MACROD2: variants seen among roughly 807,000 people sequenced by gnomAD.
MACROD2 encodes the protein ADP-ribose glycohydrolase MACROD2.
MACROD2 carries 36 observed loss-of-function variants against 70.4 expected under a neutral mutation model. The observed-to-expected ratio is 0.51, with a 90% CI of 0.39 to 0.68. The LOEUF is 0.68. MACROD2 is among the 30% of genes least tolerant of loss of function. The pLI, the probability that MACROD2 is intolerant of heterozygous loss-of-function variation, is 0.00. For missense variants in MACROD2, 496 were observed against 538.4 expected, an observed-to-expected ratio of 0.92 and a Z score of 0.78; for synonymous variants, 172 against 178.8, an observed-to-expected ratio of 0.96 and a Z score of 0.30.
chr20:15,639,878 G>A (rs544671795), intron 8 of MACROD2, among the ~76,000 whole-genome samples: 5 of 151,972 alleles, frequency 3.3e-5, no homozygotes, highest in East Asian at 1.9e-4. Flanking sequence ...AGAGGAGAGA[G>A]ATGTAGGAGA....
At chr20:15,749,310 G>A (rs2051232835) in intron 8 of MACROD2, among the ~76,000 whole-genome samples, 1 of 151,886 alleles carries the variant, frequency 6.6e-6, no homozygotes. Context: ...TTATGTGCAA[G>A]GATTCTCAAT....
intron 6 of MACROD2, among the ~76,000 whole-genome samples, chr20:15,371,154 G>A (rs2045486082): frequency 6.6e-6 from 1 of 152,000 alleles, no homozygotes; most frequent in Non-Finnish European, 1.5e-5. Context: ...CAAAACACTG[G>A]CACTTTTTCT....
In MACROD2 at chr20:15,490,034, T is replaced by C. The variant is rs1442492294; in HGVS notation, c.572-9740T>C. ...CACCACAGCATATCATTACTTTCTC[T>C]TCAAGCAGATGCAAGTCCAAACTGC... is the stretch of plus-strand genomic sequence containing the variant. On this transcript the variant is annotated intron_variant, in intron 7 of 17. Coordinates refer to ENST00000684519, the MANE Select transcript of MACROD2 (RefSeq NM_001351661.2). Among the ~76,000 whole-genome samples, 52 of 152,166 alleles carry C rather than the reference T, an allele frequency of 3.4e-4. 1 individual carries two copies. Among genetic ancestry groups the C allele is most frequent in the Non-Finnish European group, 1.5e-5 (1 of 68,028 alleles).
At chr20:14,524,550 A>T (rs17227055) in intron 4 of MACROD2, among the ~76,000 whole-genome samples, 23,162 of 152,058 alleles carry the variant, frequency 0.15, 2,529 homozygotes, top group Non-Finnish European at 0.22. Flanking sequence ...CAGTGGCAAG[A>T]TAAGGGTGGA....
intron 5 of MACROD2, among the ~76,000 whole-genome samples, chr20:14,861,803 C>A (rs1302112477): frequency 6.7e-6 from 1 of 148,648 alleles, no homozygotes; most frequent in Non-Finnish European, 1.5e-5. Context: ...CCCCATCTGG[C>A]ACCTCTTGAC....
chr20:15,435,020 G>A (rs541794670), intron 7 of MACROD2, among the ~76,000 whole-genome samples: 1 of 152,214 alleles, frequency 6.6e-6, no homozygotes, highest in East Asian at 1.9e-4. Flanking sequence ...GGGACTTGAG[G>A]GTGACGGGTG....
At position 15,178,377 on chromosome 20, in the gene MACROD2, A is replaced by T. The variant is rs140405613; in HGVS notation, c.419-51563A>T. ...TTATGGGCATCCTTCTTCAAACTTTAATGACTATGAGGTATTTACTTAATC... is the reference window on the plus strand; with the variant it reads ...TTATGGGCATCCTTCTTCAAACTTTTATGACTATGAGGTATTTACTTAATC... On this transcript the variant is annotated intron_variant, in intron 5 of 17. Transcript: ENST00000684519. Among the ~76,000 whole-genome samples, 685 of 152,246 alleles carry T rather than the reference A, an allele frequency of 4.5e-3. 2 individuals are homozygous for T. Among genetic ancestry groups the T allele is most frequent in the African/African-American group, 0.016 (644 of 41,538 alleles).
intron 6 of MACROD2, among the ~76,000 whole-genome samples, chr20:15,289,839 T>G (rs1291397182): frequency 1.3e-5 from 2 of 152,196 alleles, no homozygotes; most frequent in Non-Finnish European, 2.9e-5. Context: ...TACTGGGTAC[T>G]GTGTGAGTCA....
intron 3 of MACROD2, among the ~76,000 whole-genome samples, chr20:14,159,246 A>G (rs1006886592): frequency 6.6e-6 from 1 of 152,226 alleles, no homozygotes; most frequent in African/African-American, 2.4e-5. Flanking sequence ...CTCAATAAAA[A>G]AGAAAAAGAA....
chr20:14,457,965 A>G (rs366944), intron 3 of MACROD2, among the ~76,000 whole-genome samples: 146,633 of 151,992 alleles, frequency 0.96, 71,005 homozygotes, highest in East Asian at 1. Flanking sequence ...GCTCGGTGTC[A>G]TTGCACGTGC....
At chr20:15,765,388 C>A (rs1330262143) in intron 8 of MACROD2, among the ~76,000 whole-genome samples, 1 of 152,058 alleles carries the variant, frequency 6.6e-6, no homozygotes, top group Non-Finnish European at 1.5e-5. Flanking sequence ...AACATGTGAA[C>A]CAATGTGACT....
intron 8 of MACROD2, among the ~76,000 whole-genome samples, chr20:15,701,942 T>C (rs1370480648): frequency 6.6e-6 from 1 of 152,220 alleles, no homozygotes; most frequent in Admixed American, 6.5e-5. Flanking sequence ...TACATTAATT[T>C]GCTTATGATA....
intron 8 of MACROD2, among the ~76,000 whole-genome samples, chr20:15,510,088 C>T (rs988740169): frequency 9.9e-5 from 15 of 151,870 alleles, no homozygotes; most frequent in South Asian, 4.2e-4. Flanking sequence ...AAGGAGAGGC[C>T]GCCATGTTGA....
intron 5 of MACROD2, among the ~76,000 whole-genome samples, chr20:14,861,236 CA>C (rs1490036800): frequency 1.3e-5 from 2 of 152,016 alleles, no homozygotes; most frequent in Admixed American, 6.5e-5. Flanking sequence ...CCTAAATGGG[CA>C]ATGGGAAGAT....
intron 8 of MACROD2, among the ~76,000 whole-genome samples, chr20:15,581,510 T>C (rs1039269111): frequency 1.3e-5 from 2 of 152,222 alleles, no homozygotes; most frequent in African/African-American, 4.8e-5. Context: ...TTGTGTATCC[T>C]TATATGATGA....
intron 6 of MACROD2, among the ~76,000 whole-genome samples, chr20:15,249,758 A>T (rs1171256861): frequency 6.6e-6 from 1 of 152,206 alleles, no homozygotes; most frequent in Admixed American, 6.5e-5. Flanking sequence ...GCTGTGATTA[A>T]AAAGCATATG....
At chr20:15,056,872 A>G (rs2075490369) in intron 5 of MACROD2, among the ~76,000 whole-genome samples, 1 of 152,214 alleles carries the variant, frequency 6.6e-6, no homozygotes, top group African/African-American at 2.4e-5. Flanking sequence ...ATCAGGAGAA[A>G]CAGATAGGAG....
chr20:15,486,461 G>T (rs1348343571), intron 7 of MACROD2, among the ~76,000 whole-genome samples: 1 of 152,166 alleles, frequency 6.6e-6, no homozygotes, highest in East Asian at 1.9e-4. Context: ...GACTTGTGCA[G>T]TTTAGTCTTC....
At chr20:14,206,187 C>T (rs555083910) in intron 3 of MACROD2, among the ~76,000 whole-genome samples, 1 of 152,182 alleles carries the variant, frequency 6.6e-6, no homozygotes, top group African/African-American at 2.4e-5. Flanking sequence ...AGGATGGCCC[C>T]TCACAACAAA....
Sources: allele counts gnomAD v4.1 joint callset (sites outside exome capture counted in the v4.1 genomes callset), GRCh38; gene constraint gnomAD v4.1.1; transcripts MANE v1.5; gene names NCBI Gene and HGNC (gene_info 2026-07-23, HGNC 2026-07-21).